ALDH1A2: variants seen among roughly 807,000 people sequenced by gnomAD.
ALDH1A2 encodes aldehyde dehydrogenase 1 family member A2.
In ALDH1A2, 27 loss-of-function variants were observed where a neutral mutation model predicts 60.3. The ratio of observed to expected loss-of-function variants is 0.45; its 90% CI spans 0.33 to 0.62. The LOEUF is 0.62. Among genes scored for constraint, ALDH1A2 ranks in the 20% least tolerant of loss-of-function variants. ALDH1A2 has a pLI of 0.02. For missense variants in ALDH1A2, 581 were observed against 643.8 expected, an observed-to-expected ratio of 0.90 and a Z score of 1.06; for synonymous variants, 289 against 232.4, an observed-to-expected ratio of 1.24 and a Z score of -2.21.
At chr15:58,020,461 T>C (rs1280491991) in intron 1 of ALDH1A2, among the ~76,000 whole-genome samples, 1 of 152,030 alleles carries the variant, frequency 6.6e-6, no homozygotes, top group Non-Finnish European at 1.5e-5. Flanking sequence ...ACGAGGAGAA[T>C]ATGTGAGGAA....
intron 3 of ALDH1A2, among the ~76,000 whole-genome samples, chr15:58,011,808 A>C (rs1895642299): frequency 6.6e-6 from 1 of 152,218 alleles, no homozygotes; most frequent in Admixed American, 6.5e-5. Flanking sequence ...ATTTCCTAGT[A>C]CTTTTTAGAA....
chr15:58,033,559 C>G (rs879414312), intron 1 of ALDH1A2, among the ~76,000 whole-genome samples: 3 of 151,812 alleles, frequency 2.0e-5, no homozygotes, highest in Non-Finnish European at 2.9e-5. Context: ...AACACTAAAT[C>G]TAATCACTCT....
chr15:57,969,931 T>C (rs1002893257), intron 7 of ALDH1A2, among the ~76,000 whole-genome samples: 2 of 152,234 alleles, frequency 1.3e-5, no homozygotes, highest in African/African-American at 2.4e-5. Flanking sequence ...CTACAAACTC[T>C]GGCTTCTAAT....
chr15:58,061,751 ACTCT>A (rs1169267250), intron 1 of ALDH1A2, among the ~76,000 whole-genome samples: 10 of 152,044 alleles, frequency 6.6e-5, no homozygotes, highest in African/African-American at 1.7e-4. Flanking sequence ...ATTTATTTCT[ACTCT>A]CTCTCCTTCA....
At chr15:57,960,132 T>A (rs2140447814) in intron 12 of ALDH1A2, among the ~76,000 whole-genome samples, 1 of 152,328 alleles carries the variant, frequency 6.6e-6, no homozygotes, top group Admixed American at 6.5e-5. Context: ...CAGTCTTTTC[T>A]GCGATTCCTC....
At chr15:58,000,150 A>C (rs1331053568) in intron 4 of ALDH1A2, among the ~76,000 whole-genome samples, 2 of 151,980 alleles carry the variant, frequency 1.3e-5, no homozygotes, top group Non-Finnish European at 2.9e-5. Flanking sequence ...GCAAACCACC[A>C]TGGCACACGT....
At chr15:58,023,085 T>A (rs545953290) in intron 1 of ALDH1A2, among the ~76,000 whole-genome samples, 1 of 151,900 alleles carries the variant, frequency 6.6e-6, no homozygotes, top group South Asian at 2.1e-4. Context: ...ATTCTGAACA[T>A]AAAAAATCAG....
intron 1 of ALDH1A2, among the ~76,000 whole-genome samples, chr15:58,058,504 T>G (rs937371116): frequency 6.7e-6 from 1 of 150,020 alleles, no homozygotes; most frequent in Non-Finnish European, 1.5e-5. Context: ...GTCACTGGAC[T>G]TGAAATTCAA....
At chr15:57,976,501 A>G (rs1837851) in intron 7 of ALDH1A2, among the ~76,000 whole-genome samples, 69,602 of 151,990 alleles carry the variant, frequency 0.46, 16,464 homozygotes, top group Non-Finnish European at 0.53. Context: ...TCACTTATGA[A>G]TGAGAACATA....
At chr15:58,032,215 T>C (rs1896258500) in intron 1 of ALDH1A2, among the ~76,000 whole-genome samples, 1 of 152,114 alleles carries the variant, frequency 6.6e-6, no homozygotes, top group African/African-American at 2.4e-5. Context: ...GGGACATGGA[T>C]GAAGCTGGAA....
chr15:58,021,487 T>C (rs1292444822), intron 1 of ALDH1A2, among the ~76,000 whole-genome samples: 2 of 152,136 alleles, frequency 1.3e-5, no homozygotes, highest in African/African-American at 2.4e-5. Flanking sequence ...ATCCCCACCG[T>C]GGAATTGTGC....
intron 4 of ALDH1A2, among the ~76,000 whole-genome samples, chr15:58,009,102 T>C (rs1041952882): frequency 1.3e-5 from 2 of 152,112 alleles, no homozygotes; most frequent in Admixed American, 6.6e-5. Flanking sequence ...CATCATCATT[T>C]GTAGGGGCAA....
chr15:58,014,296 A>G lies in ALDH1A2; in HGVS notation c.118-15T>C. 1 of 1,593,808 alleles carries G rather than the reference A, an allele frequency of 6.3e-7. No individual in the cohort carries two copies. Among genetic ancestry groups the G allele is most frequent in the Non-Finnish European group, 8.6e-7 (1 of 1,161,602 alleles). ...TTTATAAAGATCTAAGGGAGTAGATAACAGAATGGGATCTGTGACACAGGT... is the reference window on the plus strand; with the variant it reads ...TTTATAAAGATCTAAGGGAGTAGATGACAGAATGGGATCTGTGACACAGGT... On this transcript the variant is annotated splice_polypyrimidine_tract_variant and intron_variant, in intron 1 of 12. Coordinates refer to ENST00000249750, the MANE Select transcript of ALDH1A2 (RefSeq NM_003888.4).
At chr15:57,968,875 CAAAAGT>C (rs1893976523) in intron 7 of ALDH1A2, among the ~76,000 whole-genome samples, 1 of 152,138 alleles carries the variant, frequency 6.6e-6, no homozygotes, top group Non-Finnish European at 1.5e-5. Flanking sequence ...GGTAACTATA[CAAAAGT>C]AAAAGTTTCA....
intron 1 of ALDH1A2, among the ~76,000 whole-genome samples, chr15:58,056,985 T>C (rs1411481945): frequency 6.6e-6 from 1 of 152,110 alleles, no homozygotes; most frequent in Non-Finnish European, 1.5e-5. Context: ...TGGAAACTAG[T>C]ATAACTATGT....
At chr15:57,993,457 A>T (rs1159584587) in intron 5 of ALDH1A2, among the ~76,000 whole-genome samples, 1 of 152,118 alleles carries the variant, frequency 6.6e-6, no homozygotes, top group Non-Finnish European at 1.5e-5. Flanking sequence ...CAATTTTCAC[A>T]CTGGTATGAA....
chr15:58,029,488 G>T (rs1355866609), intron 1 of ALDH1A2, among the ~76,000 whole-genome samples: 3 of 151,486 alleles, frequency 2.0e-5, no homozygotes, highest in Non-Finnish European at 4.4e-5. Flanking sequence ...AAAAGAACTA[G>T]AGAAGCAACA....
At chr15:58,061,462 A>T (rs368142766) in intron 1 of ALDH1A2, among the ~76,000 whole-genome samples, 16 of 152,002 alleles carry the variant, frequency 1.1e-4, no homozygotes, top group Admixed American at 6.5e-4. Flanking sequence ...GAAAAATCAA[A>T]AATAGCCATT....
intron 1 of ALDH1A2, among the ~76,000 whole-genome samples, chr15:58,039,566 C>T (rs1321707341): frequency 1.3e-5 from 2 of 151,764 alleles, no homozygotes; most frequent in Non-Finnish European, 2.9e-5. Context: ...CAATGTAATT[C>T]AGCATTAAGC....
Sources: gnomAD v4.1 joint callset for allele counts (sites outside exome capture counted in the v4.1 genomes callset) on GRCh38, gnomAD v4.1.1 for gene constraint, MANE v1.5 for transcripts, NCBI Gene and HGNC (gene_info 2026-07-23, HGNC 2026-07-21) for gene names.